SAMD4B: variants seen among roughly 807,000 people sequenced by gnomAD.
SAMD4B encodes protein Smaug homolog 2.
A neutral mutation model predicts 74.5 loss-of-function variants in SAMD4B; 5 were observed. That is an observed-to-expected ratio of 0.07 (90% confidence interval 0.04 to 0.14). The LOEUF is 0.14. SAMD4B is among the 10% of genes least tolerant of loss of function. The probability of loss-of-function intolerance (pLI) is 1.00; values close to 1 mark genes in which losing one functional copy is unlikely to be tolerated. For synonymous variants in SAMD4B, 373 were observed against 374.9 expected (o/e 1.00, Z 0.06); for missense variants, 608 against 921.8 (o/e 0.66, Z 4.41).
chr19:39,384,007 G>C lies in SAMD4B; in HGVS notation c.*480G>C, dbSNP rs2078160238. The C allele has an allele frequency of 2.4e-6, 1 of 416,180 alleles. No individual in the cohort carries two copies. Among genetic ancestry groups the C allele is most frequent in the Admixed American group, 3.9e-5 (1 of 25,414 alleles). The allele number at this position is 416,180 out of a possible 1,614,324, so 25.8% of individuals were successfully genotyped here. ...ATTGAGAGGAGCTGGGGAGAAGGAA[G>C]GGGAGCAAGGAGAGGAAGCTCTCTC... On this transcript the variant is annotated 3_prime_UTR_variant, in exon 14 of 14. Transcript: ENST00000610417.
At chr19:39,390,054 ATTCC>A (rs750092530), downstream of SAMD4B, 13 of 1,602,228 alleles carry the variant, frequency 8.1e-6, no homozygotes, top group South Asian at 1.1e-5. Context: ...TAGTTTTCCC[ATTCC>A]TTAGTCTCAC....
rs1199873191 is a variant in SAMD4B at position 39,380,975 on chromosome 19, C to A, written c.1849-15C>A. The A allele has an allele frequency of 1.9e-6, 3 of 1,594,226 alleles. No homozygotes were observed. The African/African-American group carries it at 4.0e-5, about 21-fold the overall frequency. ...TCTGCACTCACTACTTTCTCTCTTC[C>A]TGGGACCTGTGTAGAACCTGTGGTT... On this transcript the variant is annotated splice_polypyrimidine_tract_variant and intron_variant, in intron 11 of 13. Coordinates refer to ENST00000610417, the MANE Select transcript of SAMD4B (RefSeq NM_001384574.2).
In SAMD4B at chr19:39,378,861, G is replaced by C. The variant is rs1219429977; in HGVS notation, c.1530+272G>C. 2.6e-5 allele frequency among the ~76,000 whole-genome samples: 4 copies of C among 152,196 alleles called. No individual in the cohort carries two copies. Among genetic ancestry groups the C allele is most frequent in the Non-Finnish European group, 5.9e-5 (4 of 68,038 alleles). ...GGAGCTTGTGGTGAGCCAAGATCGC[G>C]CCACTGCACTCCAGCCTGGACGACA... On this transcript the variant is annotated intron_variant, in intron 9 of 13. Coordinates refer to ENST00000610417, the MANE Select transcript of SAMD4B (RefSeq NM_001384574.2). This position sits in a 1 kb window ranked among gnomAD's most constrained non-coding sequence, Gnocchi z 4.4.
Position 39,379,951 on chromosome 19 carries a change from T to G in SAMD4B, c.1531-15T>G. 6.2e-7 allele frequency: 1 copy of G among 1,604,778 alleles called. No homozygotes were observed. Among genetic ancestry groups the G allele is most frequent in the South Asian group, 1.1e-5 (1 of 90,626 alleles). ...CATCACCCTCTCTGCTTCACCGGTGTCCTGCCAATTCTAGGCTTTCACGGA... is the reference window on the plus strand; with the variant it reads ...CATCACCCTCTCTGCTTCACCGGTGGCCTGCCAATTCTAGGCTTTCACGGA... On this transcript the variant is annotated splice_polypyrimidine_tract_variant and intron_variant, in intron 9 of 13. Coordinates refer to ENST00000610417, the MANE Select transcript of SAMD4B (RefSeq NM_001384574.2).
chr19:39,374,675 A>C (rs2077501834), intron 4 of SAMD4B, among the ~76,000 whole-genome samples: 2 of 152,018 alleles, frequency 1.3e-5, no homozygotes, highest in South Asian at 4.2e-4. Flanking sequence ...CCCCGCCTCT[A>C]CTAAAATACA....
At position 39,381,016 on chromosome 19, in the gene SAMD4B, C is replaced by G. The variant is rs1346961097; in HGVS notation, c.1875C>G (p.Gly625=). Reference sequence around the variant, plus strand: ...ACCTGTGGTTTGCCAACCCTGGAGGCAGCAACAGCATGCCCAGTCAGAGCC... The same window carrying G: ...ACCTGTGGTTTGCCAACCCTGGAGGGAGCAACAGCATGCCCAGTCAGAGCC... The part of the protein sequence containing the change: ...RQNLWFANPG[G]SNSMPSQSRS... Residue 625 remains glycine, a synonymous_variant, in exon 12 of 14, where the codon GGC becomes GGG. Transcript: ENST00000610417. The G allele has an allele frequency of 6.2e-7, 1 of 1,611,852 alleles. No individual in the cohort carries two copies. Among genetic ancestry groups the G allele is most frequent in the Non-Finnish European group, 8.5e-7 (1 of 1,179,382 alleles).
rs1387648419 is a variant in SAMD4B at position 39,381,003 on chromosome 19, C to T, written c.1862C>T (p.Ala621Val). The T allele has an allele frequency of 6.2e-7, 1 of 1,610,144 alleles. No individual in the cohort carries two copies. Among genetic ancestry groups the T allele is most frequent in the Non-Finnish European group, 8.5e-7 (1 of 1,178,490 alleles). The change falls in exon 12 of 14, where the codon GCC becomes GTC. Residue 621 changes from alanine (A) to valine (V), a missense_variant. By Grantham distance (64) the Ala-to-Val change is moderately conservative (BLOSUM62 0). Coordinates refer to ENST00000610417, the MANE Select transcript of SAMD4B (RefSeq NM_001384574.2). Reference protein sequence around the residue: ...GGQGRQNLWFANPGGSNSMPS... With the variant: ...GGQGRQNLWFVNPGGSNSMPS... ...GGACCTGTGTAGAACCTGTGGTTTG[C>T]CAACCCTGGAGGCAGCAACAGCATG...
At chr19:39,361,572 C>T (rs746341150) in intron 3 of SAMD4B, among the ~76,000 whole-genome samples, 10 of 146,298 alleles carry the variant, frequency 6.8e-5, no homozygotes, top group Admixed American at 3.5e-4. Context: ...GCCGAGATTG[C>T]GCCACTGTAC....
chr19:39,387,819 G>A (rs1391610582), downstream of SAMD4B, among the ~76,000 whole-genome samples: 5 of 152,242 alleles, frequency 3.3e-5, no homozygotes, highest in South Asian at 2.1e-4. Flanking sequence ...TCTGCCTTGC[G>A]CAAAGGCTCT....
downstream of SAMD4B, chr19:39,388,574 A>G (rs544125361): frequency 8.7e-6 from 14 of 1,613,822 alleles, no homozygotes; most frequent in African/African-American, 1.3e-5. Context: ...CATCTGGTGC[A>G]TAGTCCATCT....
At chr19:39,377,463 C>T in intron 7 of SAMD4B, 22 bp from the exon 8 acceptor site, 6 of 1,540,486 alleles carry the variant, frequency 3.9e-6, no homozygotes, top group Non-Finnish European at 4.4e-6. Context: ...CATGTGACCC[C>T]AGCCTGTGTC....
chr19:39,352,764 G>C (rs555705842), intron 1 of SAMD4B, among the ~76,000 whole-genome samples: 14 of 151,636 alleles, frequency 9.2e-5, no homozygotes, highest in Admixed American at 2.0e-4. Context: ...GTGGGTGGAG[G>C]GGGGGAACAG....
intron 7 of SAMD4B, among the ~76,000 whole-genome samples, chr19:39,377,043 T>C (rs1212246751): frequency 6.6e-6 from 1 of 152,210 alleles, no homozygotes; most frequent in Non-Finnish European, 1.5e-5. Context: ...ACACCTTCTC[T>C]CCCCTTTTGC....
At chr19:39,344,264 C>T (rs752191410) in intron 1 of SAMD4B, among the ~76,000 whole-genome samples, 1 of 152,114 alleles carries the variant, frequency 6.6e-6, no homozygotes, top group East Asian at 1.9e-4. Context: ...TCCTATAATT[C>T]TTTCTGAAAA....
chr19:39,384,010 G>C lies in SAMD4B; in HGVS notation c.*483G>C. 2.4e-6 allele frequency: 1 copy of C among 411,920 alleles called. No homozygotes were observed. The highest frequency in any genetic ancestry group is 3.6e-5 in the East Asian group (1 of 27,956). 25.5% of individuals were successfully genotyped at this position (411,920 alleles called of 1,614,324 possible). A position where few individuals can be genotyped will look rare whatever the true frequency, so the allele number is the denominator to read the frequency against. ...GAGAGGAGCTGGGGAGAAGGAAGGG[G>C]AGCAAGGAGAGGAAGCTCTCTCTCC... On this transcript the variant is annotated 3_prime_UTR_variant, in exon 14 of 14. Transcript: ENST00000610417.
chr19:39,383,401 AGGGAGGGCCTGACTG>A lies in SAMD4B; in HGVS notation c.2057-95_2057-81del. Reference sequence around the variant, plus strand: ...GGGTCCCCAGGGGAGGCCAGACTCCAGGGAGGGCCTGACTGGGATGACAGGCTACCTGAGTGCCTT... The same window carrying A: ...GGGTCCCCAGGGGAGGCCAGACTCCAGGATGACAGGCTACCTGAGTGCCTT... On this transcript the variant is annotated intron_variant, in intron 13 of 13. Coordinates refer to ENST00000610417, the MANE Select transcript of SAMD4B (RefSeq NM_001384574.2). This position sits in a 1 kb window ranked among gnomAD's most constrained non-coding sequence, Gnocchi z 4.1. 1 of 1,566,640 alleles carries A rather than the reference AGGGAGGGCCTGACTG, an allele frequency of 6.4e-7. No individual in the cohort carries two copies. Among genetic ancestry groups the A allele is most frequent in the East Asian group, 2.2e-5 (1 of 44,616 alleles).
chr19:39,343,132 T>C (rs1177886009), intron 1 of SAMD4B, among the ~76,000 whole-genome samples: 1 of 151,646 alleles, frequency 6.6e-6, no homozygotes, highest in Non-Finnish European at 1.5e-5. Context: ...TCACGAGCCC[T>C]GCACACCTCC....
intron 3 of SAMD4B, among the ~76,000 whole-genome samples, chr19:39,361,476 C>T (rs746588494): frequency 6.7e-6 from 1 of 149,484 alleles, no homozygotes; most frequent in African/African-American, 2.5e-5. Flanking sequence ...ATTAGCCAGA[C>T]GTGGTAGTGG....
chr19:39,385,410 G>C lies in SAMD4B; in HGVS notation c.*1883G>C, dbSNP rs1339851626. On this transcript the variant is annotated 3_prime_UTR_variant, in exon 14 of 14. Transcript: ENST00000610417. ...TGAGGGACACCGTCTCACACACACA[G>C]GGAGGCAAGAGCTGCCCCCCACCCC... 1.9e-5 allele frequency: 8 copies of C among 413,198 alleles called. No individual in the cohort carries two copies. The highest frequency in any genetic ancestry group is 3.4e-5 in the East Asian group (1 of 28,988). 25.6% of individuals were successfully genotyped at this position (413,198 alleles called of 1,614,324 possible). A position where few individuals can be genotyped will look rare whatever the true frequency, so the allele number is the denominator to read the frequency against.
Sources: allele counts gnomAD v4.1 joint callset (sites outside exome capture counted in the v4.1 genomes callset), GRCh38; gene constraint gnomAD v4.1.1; non-coding constraint Gnocchi (gnomAD v3.1); transcripts MANE v1.5; gene names NCBI Gene and HGNC (gene_info 2026-07-23, HGNC 2026-07-21).